Variants in PLEKHB2 observed in about 807,000 individuals in gnomAD.
PLEKHB2 encodes pleckstrin homology domain containing B2.
Under a neutral mutation model 36.5 loss-of-function variants are expected in PLEKHB2, and 31 were observed. The observed-to-expected ratio is 0.85, with a 90% CI of 0.64 to 1.15. The LOEUF is 1.15. Among genes scored for constraint, PLEKHB2 ranks in the 50% most tolerant of loss-of-function variants. PLEKHB2 has a pLI of 0.00. For synonymous variants in PLEKHB2, 119 were observed against 112.0 expected, an observed-to-expected ratio of 1.06 and a Z score of -0.39; for missense variants, 262 against 295.3, an observed-to-expected ratio of 0.89 and a Z score of 0.83.
chr2:131,133,036 C>T lies in PLEKHB2; in HGVS notation c.423+45C>T, dbSNP rs201519403. On this transcript the variant is annotated intron_variant, in intron 6 of 7. Transcript: ENST00000693505. ...TCCAGGTGAGGGAAGTTTGGGGTCT[C>T]TGCTGCTGTCCTGCTTTGTTTTGTT... 98 of 1,229,902 alleles carry T rather than the reference C, an allele frequency of 8.0e-5. No individual in the cohort carries two copies. The Admixed American group carries it at 1.6e-3, about 20-fold the overall frequency. 76.2% of individuals were successfully genotyped at this position (1,229,902 alleles called of 1,614,324 possible).
At position 131,136,185 on chromosome 2, in the gene PLEKHB2, C is replaced by CTCCT. The variant is rs543032642; in HGVS notation, c.423+3196_423+3199dup. On this transcript the variant is annotated intron_variant, in intron 6 of 7. Transcript: ENST00000693505. ...CCTCCCTCCCTCCCTCCCTCCCTCT[C>CTCCT]TCCTTTCCCCCGCCCGTCCCCTCTC... is the stretch of plus-strand genomic sequence containing the variant. Among the ~76,000 whole-genome samples the CTCCT allele has an allele frequency of 3.2e-3, 407 of 125,288 alleles. 2 individuals carry two copies. Among genetic ancestry groups the CTCCT allele is most frequent in the African/African-American group, 0.012 (381 of 32,422 alleles). 82.2% of individuals were successfully genotyped at this position (125,288 alleles called of 152,430 possible).
chr2:131,138,688 CTCTT>C (rs1698499865), intron 6 of PLEKHB2, among the ~76,000 whole-genome samples: 1 of 152,132 alleles, frequency 6.6e-6, no homozygotes, highest in Non-Finnish European at 1.5e-5. Context: ...AGAGGAAAGG[CTCTT>C]TCTTATTGCT....
At position 131,132,906 on chromosome 2, in the gene PLEKHB2, A is replaced by C; in HGVS notation, c.338A>C (p.Tyr113Ser). The change falls in exon 6 of 8, where the codon TAT becomes TCT. Residue 113 changes from tyrosine to serine, a missense_variant. Transcript: ENST00000693505. Reference protein sequence around the residue: ...TLQDSRTNTAYVGSAVMTDET... With the variant: ...TLQDSRTNTASVGSAVMTDET... ...ACCCTCTCCTGTCTCCCGCAGGCGT[A>C]TGTGGGCTCTGCAGTCATGACCGAT... is the stretch of plus-strand genomic sequence containing the variant. 1 of 1,601,726 alleles carries C rather than the reference A, an allele frequency of 6.2e-7. No homozygotes were observed. The highest frequency in any genetic ancestry group is 8.6e-7 in the Non-Finnish European group (1 of 1,168,772).
At chr2:131,131,207 G>A (rs1395477247) in intron 5 of PLEKHB2, among the ~76,000 whole-genome samples, 1 of 152,208 alleles carries the variant, frequency 6.6e-6, no homozygotes, top group Non-Finnish European at 1.5e-5. Flanking sequence ...TGCCAACAGT[G>A]AGCAAGCTGG....
intron 1 of PLEKHB2, 94 bp from the exon 2 acceptor site, chr2:131,120,840 G>A: frequency 7.7e-7 from 1 of 1,302,020 alleles, no homozygotes; most frequent in Non-Finnish European, 1.1e-6. Flanking sequence ...CCCTTCCTCA[G>A]CTGATGCTGA....
intron 5 of PLEKHB2, among the ~76,000 whole-genome samples, chr2:131,130,991 A>G (rs540077967): frequency 1.3e-5 from 2 of 152,222 alleles, no homozygotes; most frequent in East Asian, 1.9e-4. Context: ...GTCTCACTAT[A>G]TTACCCATGC....
At chr2:131,119,179 G>A (rs1696204743) in intron 1 of PLEKHB2, among the ~76,000 whole-genome samples, 2 of 151,120 alleles carry the variant, frequency 1.3e-5, no homozygotes, top group Non-Finnish European at 1.5e-5. Context: ...TTGCTTGAAC[G>A]TGGAAGGTGG....
intron 1 of PLEKHB2, among the ~76,000 whole-genome samples, chr2:131,110,396 C>T (rs913954626): frequency 6.6e-6 from 1 of 151,488 alleles, no homozygotes; most frequent in Admixed American, 6.6e-5. Flanking sequence ...AGTTGAAGAC[C>T]GAATCCTACT....
rs1246724178 is a variant in PLEKHB2 at position 131,125,867 on chromosome 2, T to G, written c.152T>G (p.Met51Arg). The change falls in exon 3 of 8, where the codon ATG (methionine) becomes AGG (arginine). Residue 51 changes from methionine to arginine, a missense_variant. Coordinates refer to ENST00000693505, the MANE Select transcript of PLEKHB2 (RefSeq NM_001100623.2). ...ATCGAGGATAAGGTCCACATGCCAA[T>G]GGACTGCATCAACATCCGCACGGGG... is the stretch of plus-strand genomic sequence containing the variant. ...QNIEDKVHMP[M>R]DCINIRTGQE... 2 of 1,613,750 alleles carry G rather than the reference T, an allele frequency of 1.2e-6. No individual in the cohort carries two copies. Among genetic ancestry groups the G allele is most frequent in the Admixed American group, 3.3e-5 (2 of 60,000 alleles).
At chr2:131,133,756 C>T (rs1223002659) in intron 6 of PLEKHB2, among the ~76,000 whole-genome samples, 1 of 152,338 alleles carries the variant, frequency 6.6e-6, no homozygotes, top group East Asian at 1.9e-4. Flanking sequence ...TGTTCTCCAG[C>T]TCTATAGTTT....
intron 7 of PLEKHB2, among the ~76,000 whole-genome samples, chr2:131,145,816 G>T (rs186562896): frequency 3.9e-5 from 6 of 152,288 alleles, no homozygotes; most frequent in Non-Finnish European, 5.9e-5. Context: ...AAATTTGTCT[G>T]TGGTTTGTTT....
At chr2:131,105,944 CCTT>C (rs1412738699) in intron 1 of PLEKHB2, among the ~76,000 whole-genome samples, 4 of 152,252 alleles carry the variant, frequency 2.6e-5, no homozygotes, top group African/African-American at 9.6e-5. Context: ...GGTCTCCCCT[CCTT>C]AAGTCCCGGG....
chr2:131,141,834 C>T (rs897118780), intron 7 of PLEKHB2, among the ~76,000 whole-genome samples: 1 of 152,140 alleles, frequency 6.6e-6, no homozygotes, highest in African/African-American at 2.4e-5. Flanking sequence ...TTGGTATAAA[C>T]AAGAGTTAAG....
chr2:131,113,384 T>G (rs531287507), intron 1 of PLEKHB2, among the ~76,000 whole-genome samples: 2 of 152,332 alleles, frequency 1.3e-5, no homozygotes, highest in South Asian at 4.1e-4. Flanking sequence ...TGCTGCATAA[T>G]TGATTTCTTG....
intron 5 of PLEKHB2, among the ~76,000 whole-genome samples, chr2:131,131,035 C>T (rs1242477806): frequency 2.6e-5 from 4 of 152,162 alleles, no homozygotes; most frequent in African/African-American, 9.7e-5. Context: ...GTGATCCTCC[C>T]ACTTTCGCCT....
chr2:131,146,872 GT>G lies in PLEKHB2; in HGVS notation c.*103del, dbSNP rs1032774680. 32 of 991,092 alleles carry G rather than the reference GT, an allele frequency of 3.2e-5. No homozygotes were observed. The highest frequency in any genetic ancestry group is 4.5e-5 in the Non-Finnish European group (30 of 672,518). The allele number at this position is 991,092 out of a possible 1,614,324, so 61.4% of individuals were successfully genotyped here. ...TTTGTGACAAAAGTTTTTAATAATAGTTTTAATCATTCCTTTGAAAGTAGTG... is the reference window on the plus strand; with the variant it reads ...TTTGTGACAAAAGTTTTTAATAATAGTTTAATCATTCCTTTGAAAGTAGTG... On this transcript the variant is annotated 3_prime_UTR_variant, in exon 8 of 8. Coordinates refer to ENST00000693505, the MANE Select transcript of PLEKHB2 (RefSeq NM_001100623.2).
At chr2:131,144,374 C>T in intron 7 of PLEKHB2, 1 of 1,173,924 alleles carries the variant, frequency 8.5e-7, no homozygotes, top group East Asian at 3.2e-5. Context: ...TGAGTTGGCT[C>T]CTTTGGTTGG....
At chr2:131,117,186 C>T (rs897253911) in intron 1 of PLEKHB2, among the ~76,000 whole-genome samples, 1 of 152,116 alleles carries the variant, frequency 6.6e-6, no homozygotes, top group African/African-American at 2.4e-5. Context: ...CATGGTGGCT[C>T]ACACCTGTAA....
intron 2 of PLEKHB2, 117 bp from the exon 3 acceptor site, chr2:131,125,636 T>G (rs759035029): frequency 1.3e-6 from 1 of 784,350 alleles, no homozygotes; most frequent in Non-Finnish European, 2.0e-6. Context: ...GCCCAGGAGT[T>G]CAAGGCTGCA....
Sources: gnomAD v4.1 joint callset for allele counts (sites outside exome capture counted in the v4.1 genomes callset) on GRCh38, gnomAD v4.1.1 for gene constraint, MANE v1.5 for transcripts, NCBI Gene and HGNC (gene_info 2026-07-23, HGNC 2026-07-21) for gene names.